PLP1: variants seen among roughly 807,000 people sequenced by gnomAD.
PLP1 encodes the protein proteolipid protein 1.
A neutral mutation model predicts 18.5 loss-of-function variants in PLP1; 2 were observed. That is an observed-to-expected ratio of 0.11 (90% CI 0.04 to 0.34). PLP1 has a LOEUF of 0.34. Ranked by LOEUF, PLP1 falls within the 10% of genes least tolerant of loss-of-function variation. The probability of loss-of-function intolerance (pLI) is 1.00; values close to 1 mark genes in which losing one functional copy is unlikely to be tolerated. For missense variants in PLP1, 105 were observed against 207.3 expected (o/e 0.51, Z 3.03); for synonymous variants, 86 against 83.2 (o/e 1.03, Z -0.19).
chrX:103,776,861 G>C lies in PLP1; in HGVS notation c.-135G>C, dbSNP rs775001756. On this transcript the variant is annotated 5_prime_UTR_variant, in exon 1 of 7. Transcript: ENST00000621218. ...AGCCCTTTTCATTGCAGGAGAAGAG[G>C]ACAAAGATACTCAGAGAGAAAAAGT... The C allele has an allele frequency of 2.1e-5, 13 of 632,336 alleles. No individual in the cohort carries two copies. The South Asian group carries it at 3.3e-4, about 16-fold the overall frequency. 52.1% of individuals were successfully genotyped at this position (632,336 alleles called of 1,213,427 possible). A position where few individuals can be genotyped will look rare whatever the true frequency, so the allele number is the denominator to read the frequency against.
At chrX:103,778,962 C>T (rs1168695188) in intron 1 of PLP1, among the ~76,000 whole-genome samples, 3 of 111,944 alleles carry the variant, frequency 2.7e-5, no homozygotes, top group African/African-American at 9.7e-5. Context: ...ATTAAATGTT[C>T]GTACAGCCTC....
At chrX:103,783,201 T>G (rs1465822665) in intron 1 of PLP1, among the ~76,000 whole-genome samples, 1 of 112,480 alleles carries the variant, frequency 8.9e-6, no homozygotes, top group African/African-American at 3.2e-5. Flanking sequence ...TATACATGTG[T>G]GTATGTGCAC....
intron 3 of PLP1, 36 bp downstream of exon 3, chrX:103,786,762 G>A (rs759194853): frequency 8.3e-7 from 1 of 1,202,173 alleles, no homozygotes; most frequent in Admixed American, 2.2e-5. Flanking sequence ...AATAACAAGG[G>A]GTGGGGGAAA....
Position 103,790,735 on chromosome X carries a change from G to A in PLP1, c.*137G>A, listed in dbSNP as rs181312516. ...ACTTGATGAGTGTAACAAGAAAGGA[G>A]AGTCTTGCAGTGATTAAGGTCTCTC... On this transcript the variant is annotated 3_prime_UTR_variant, in exon 7 of 7. Coordinates refer to ENST00000621218, the MANE Select transcript of PLP1 (RefSeq NM_000533.5). 24 of 546,059 alleles carry A rather than the reference G, an allele frequency of 4.4e-5. No individual in the cohort carries two copies. The highest frequency in any genetic ancestry group is 7.3e-5 in the Non-Finnish European group (22 of 301,049). 45.0% of individuals were successfully genotyped at this position (546,059 alleles called of 1,213,427 possible).
chrX:103,777,507 A>C (rs1451087189), intron 1 of PLP1, among the ~76,000 whole-genome samples: 1 of 112,343 alleles, frequency 8.9e-6, no homozygotes, highest in Non-Finnish European at 1.9e-5. Context: ...GGCCATTCTC[A>C]GGTTCAGGAA....
rs1055009904 is a variant in PLP1, at chrX:103,788,069, A to G, written c.622+103A>G. 10 of 645,466 alleles carry G rather than the reference A, an allele frequency of 1.5e-5. No homozygotes were observed. In the African/African-American group the frequency reaches 2.2e-4, roughly 14 times the overall value. The allele number at this position is 645,466 out of a possible 1,213,427, so 53.2% of individuals were successfully genotyped here. ...GGAGGGTGGTGATTATGAGAAAAAT[A>G]TAAGATGATGAATGATTGGGTCTTA... On this transcript the variant is annotated intron_variant, in intron 4 of 6. Coordinates refer to ENST00000621218, the MANE Select transcript of PLP1 (RefSeq NM_000533.5).
At chrX:103,781,253 T>G (rs2074451602) in intron 1 of PLP1, 1 of 313,783 alleles carries the variant, frequency 3.2e-6, no homozygotes, top group South Asian at 2.8e-5. Context: ...TCTTGGTGCC[T>G]GCTTAAAGAG....
chrX:103,788,062 G>A, intron 4 of PLP1, 96 bp downstream of exon 4: 1 of 682,251 alleles, frequency 1.5e-6, no homozygotes, highest in East Asian at 3.3e-5. Flanking sequence ...GTGATTATGA[G>A]AAAAATATAA....
rs958807400 is a variant in PLP1 at position 103,788,918 on chromosome X, A to T, written c.696+408A>T. ...AACTTCTTTATCTCAAATGAGAGGT[A>T]AAATAAGTACATTTGAAAGGGAAAG... On this transcript the variant is annotated intron_variant, in intron 5 of 6. Transcript: ENST00000621218. 2.9e-5 allele frequency: 8 copies of T among 274,232 alleles called. No individual in the cohort carries two copies. The Admixed American group carries it at 4.7e-4, about 16-fold the overall frequency. 22.6% of individuals were successfully genotyped at this position (274,232 alleles called of 1,213,427 possible).
At chrX:103,777,777 G>C (rs1283112393) in intron 1 of PLP1, among the ~76,000 whole-genome samples, 2 of 112,570 alleles carry the variant, frequency 1.8e-5, no homozygotes. Flanking sequence ...TCTGGTGGTA[G>C]TTTCTACTCA....
rs1485988902 is a variant in PLP1 at position 103,791,939 on chromosome X, T to C, written c.*1341T>C. On this transcript the variant is annotated 3_prime_UTR_variant, in exon 7 of 7. Coordinates refer to ENST00000621218, the MANE Select transcript of PLP1 (RefSeq NM_000533.5). The stretch of plus-strand genomic sequence containing the variant: ...ATTTTACTTAGCAATGTTATCTTGG[T>C]GTGTTAAGAGTTAGGTTTAACATAA... 2.7e-5 allele frequency: 3 copies of C among 112,198 alleles called. No individual in the cohort carries two copies. Among genetic ancestry groups the C allele is most frequent in the African/African-American group, 9.7e-5 (3 of 30,881 alleles). 9.2% of individuals were successfully genotyped at this position (112,198 alleles called of 1,213,427 possible). A position where few individuals can be genotyped will look rare whatever the true frequency, so the allele number is the denominator to read the frequency against.
chrX:103,778,394 T>G (rs2074427496), intron 1 of PLP1, among the ~76,000 whole-genome samples: 1 of 112,207 alleles, frequency 8.9e-6, no homozygotes, highest in African/African-American at 3.2e-5. Flanking sequence ...TGACCAATTA[T>G]GTGTGACCAG....
chrX:103,781,179 A>G (rs1458859626), intron 1 of PLP1: 1 of 243,622 alleles, frequency 4.1e-6, no homozygotes, highest in Non-Finnish European at 8.1e-6. Flanking sequence ...CTGAATTTCC[A>G]TCATGGAGCT....
intron 1 of PLP1, among the ~76,000 whole-genome samples, chrX:103,779,388 G>A (rs908092940): frequency 8.9e-6 from 1 of 111,777 alleles, no homozygotes; most frequent in Non-Finnish European, 1.9e-5. Context: ...AAAGTGTGGC[G>A]GCAGAGCGGG....
chrX:103,782,231 A>G (rs1423022894), intron 1 of PLP1, among the ~76,000 whole-genome samples: 1 of 112,092 alleles, frequency 8.9e-6, no homozygotes. Context: ...GCTTATGCTG[A>G]TATTACTGAA....
intron 5 of PLP1, 179 bp from the exon 6 acceptor site, chrX:103,789,154 C>G: frequency 4.0e-6 from 2 of 495,075 alleles, no homozygotes; most frequent in Admixed American, 5.4e-5. Context: ...GGGCCAGGTG[C>G]TATGGTGTAC....
intron 1 of PLP1, 63 bp from the exon 2 acceptor site, chrX:103,785,519 G>A (rs1486209615): frequency 3.3e-5 from 32 of 970,243 alleles, no homozygotes; most frequent in Non-Finnish European, 4.6e-5. Flanking sequence ...CCTGGCAGAG[G>A]GGTTTGAGTG....
chrX:103,786,294 T>C, intron 2 of PLP1, 171 bp from the exon 3 acceptor site: 2 of 1,100,807 alleles, frequency 1.8e-6, no homozygotes, highest in Non-Finnish European at 2.5e-6. Flanking sequence ...TCTTCACTTA[T>C]TTCAACAAAG....
intron 1 of PLP1, among the ~76,000 whole-genome samples, chrX:103,779,502 A>G (rs1014262362): frequency 8.9e-6 from 1 of 112,245 alleles, no homozygotes; most frequent in Non-Finnish European, 1.9e-5. Context: ...CCCAGCCAGC[A>G]TGTTCACCTA....
Sources: allele counts gnomAD v4.1 joint callset (sites outside exome capture counted in the v4.1 genomes callset), GRCh38; gene constraint gnomAD v4.1.1; transcripts MANE v1.5; gene names NCBI Gene and HGNC (gene_info 2026-07-23, HGNC 2026-07-21).